Variants in RPSA2 observed in about 807,000 individuals in gnomAD.
RPSA2 encodes ribosomal protein SA 2.
At chr19:23,857,065 C>A in the RPSA2 span, among the ~76,000 whole-genome samples, 1 of 152,142 alleles carries the variant, frequency 6.6e-6, no homozygotes, top group East Asian at 1.9e-4. Context: ...TTATCTCAAT[C>A]GCATAGAACA....
At chr19:23,784,337 C>A in the RPSA2 span, among the ~76,000 whole-genome samples, 1 of 152,216 alleles carries the variant, frequency 6.6e-6, no homozygotes, top group Non-Finnish European at 1.5e-5. Context: ...GTCACCCTCA[C>A]ACATGGGCAG....
chr19:23,805,800 G>A, the RPSA2 span, among the ~76,000 whole-genome samples: 3 of 152,188 alleles, frequency 2.0e-5, no homozygotes, highest in East Asian at 3.9e-4. Flanking sequence ...TCCCTAATGA[G>A]TTTTTCTTAA....
the RPSA2 span, among the ~76,000 whole-genome samples, chr19:23,808,560 A>G: frequency 2.0e-5 from 3 of 152,160 alleles, no homozygotes; most frequent in South Asian, 2.1e-4. Flanking sequence ...CCTGACCAAT[A>G]AAAGTATTTT....
chr19:23,832,208 GA>G, the RPSA2 span: 1 of 426,524 alleles, frequency 2.3e-6, no homozygotes, highest in South Asian at 1.9e-5. Context: ...ATGCACAGAA[GA>G]AAGAAACTCT....
chr19:23,851,087 C>G, the RPSA2 span, among the ~76,000 whole-genome samples: 4 of 152,116 alleles, frequency 2.6e-5, no homozygotes, highest in African/African-American at 9.7e-5. Context: ...TTAACATGGG[C>G]CTTGCCTTCT....
the RPSA2 span, among the ~76,000 whole-genome samples, chr19:23,862,980 T>G: frequency 6.6e-6 from 1 of 151,798 alleles, no homozygotes; most frequent in South Asian, 2.1e-4. Context: ...CTTGGTTCAC[T>G]GCAGCCTCCA....
At chr19:23,863,564 C>CA in the RPSA2 span, among the ~76,000 whole-genome samples, 52 of 109,800 alleles carry the variant, frequency 4.7e-4, no homozygotes, top group African/African-American at 1.6e-3. Flanking sequence ...GATTCCAACT[C>CA]AAAAAAAAAA....
chr19:23,810,121 C>T, the RPSA2 span, among the ~76,000 whole-genome samples: 39 of 152,110 alleles, frequency 2.6e-4, no homozygotes, highest in East Asian at 4.3e-3. Flanking sequence ...AGGCTGGGTG[C>T]GGTGGCTCAT....
At chr19:23,802,532 A>G in the RPSA2 span, among the ~76,000 whole-genome samples, 10 of 152,204 alleles carry the variant, frequency 6.6e-5, no homozygotes, top group Non-Finnish European at 1.2e-4. Context: ...CAGGCTGACA[A>G]GAGTGGTTAA....
the RPSA2 span, among the ~76,000 whole-genome samples, chr19:23,849,557 G>T: frequency 6.6e-6 from 1 of 152,134 alleles, no homozygotes; most frequent in Non-Finnish European, 1.5e-5. Flanking sequence ...GGGTGTTCTG[G>T]GCACAGAATG....
the RPSA2 span, among the ~76,000 whole-genome samples, chr19:23,830,125 C>CT: frequency 6.6e-6 from 1 of 150,592 alleles, no homozygotes; most frequent in Admixed American, 6.6e-5. Flanking sequence ...TTTTTAACAA[C>CT]TTTTTCATGA....
At chr19:23,831,339 G>T in the RPSA2 span, among the ~76,000 whole-genome samples, 1 of 152,150 alleles carries the variant, frequency 6.6e-6, no homozygotes, top group African/African-American at 2.4e-5. Flanking sequence ...GCTGTGTTGG[G>T]TGAATTTAAC....
the RPSA2 span, among the ~76,000 whole-genome samples, chr19:23,866,978 G>T: frequency 6.6e-6 from 1 of 152,130 alleles, no homozygotes; most frequent in Non-Finnish European, 1.5e-5. Context: ...AAAGATCTTT[G>T]TGTTTTTGAA....
chr19:23,797,606 C>T, the RPSA2 span, among the ~76,000 whole-genome samples: 2 of 152,228 alleles, frequency 1.3e-5, no homozygotes, highest in East Asian at 1.9e-4. Flanking sequence ...ACTATTTGGT[C>T]AAGTGTTGAG....
At chr19:23,861,389 C>T in the RPSA2 span, among the ~76,000 whole-genome samples, 3 of 152,142 alleles carry the variant, frequency 2.0e-5, no homozygotes, top group African/African-American at 7.2e-5. Context: ...AGAGCCCCCC[C>T]ACTACCCACC....
At chr19:23,869,012 T>TTTTGGGTTTTTTATAG in the RPSA2 span, among the ~76,000 whole-genome samples, 1 of 152,270 alleles carries the variant, frequency 6.6e-6, no homozygotes, top group South Asian at 2.1e-4. Context: ...AACCCCTGAT[T>TTTTGGGTTTTTTATAG]CCATGTTCTT....
chr19:23,846,116 T>C, the RPSA2 span, among the ~76,000 whole-genome samples: 1 of 152,158 alleles, frequency 6.6e-6, no homozygotes, highest in African/African-American at 2.4e-5. Context: ...TTAAAGTCTG[T>C]TTTATTTGAT....
At chr19:23,791,518 A>G in the RPSA2 span, among the ~76,000 whole-genome samples, 148,908 of 152,238 alleles carry the variant, frequency 0.98, 72,918 homozygotes, top group Middle Eastern at 1. Context: ...TTCACACTCC[A>G]ATGGTGACGG....
At chr19:23,760,660 TATATATATA>T in the RPSA2 span, among the ~76,000 whole-genome samples, 3 of 80,754 alleles carry the variant, frequency 3.7e-5, no homozygotes, top group African/African-American at 1.3e-4. Context: ...TATATATATA[TATATATATA>T]TTTTTTTTTT....
Sources: gnomAD v4.1 joint callset for allele counts (sites outside exome capture counted in the v4.1 genomes callset) on GRCh38, gnomAD v4.1.1 for gene constraint, MANE v1.5 for transcripts, NCBI Gene and HGNC (gene_info 2026-07-23, HGNC 2026-07-21) for gene names.